The following YLPM1 variants were observed in gnomAD, a reference collection of about 807,000 sequenced individuals.
The protein encoded by YLPM1 is YLP motif containing 1.
A neutral mutation model predicts 230.0 loss-of-function variants in YLPM1; 99 were observed. The observed-to-expected ratio is 0.43, with a 90% CI of 0.37 to 0.51. YLPM1 has a LOEUF of 0.51. Among genes scored for constraint, YLPM1 ranks in the 20% least tolerant of loss-of-function variants. YLPM1 has a pLI of 0.00. For synonymous variants in YLPM1, 984 were observed against 942.5 expected (o/e 1.04, Z -0.81); for missense variants, 2,592 against 2,707.7 (o/e 0.96, Z 0.95).
At chr14:74,789,053 TTCA>T (rs2091177902) in intron 4 of YLPM1, among the ~76,000 whole-genome samples, 1 of 152,220 alleles carries the variant, frequency 6.6e-6, no homozygotes. Flanking sequence ...TTGCAGTGAC[TTCA>T]TCATAAATTC....
intron 5 of YLPM1, among the ~76,000 whole-genome samples, chr14:74,801,079 CT>C (rs941533179): frequency 6.6e-6 from 1 of 151,362 alleles, no homozygotes; most frequent in African/African-American, 2.4e-5. Context: ...GCCAAGGTTT[CT>C]TTTTTTTTCC....
rs756978367 is a variant in YLPM1 at position 74,799,044 on chromosome 14, A to G, written c.3747A>G (p.Ser1249=). ...LELYNREDRF[S]APPSRSHDGD... is the part of the protein sequence containing the mutation. ...TCTATAACAGAGAGGACAGGTTCTC[A>G]GCACCACCATCTCGGTCTCATGATG... The change falls in exon 5 of 21, where the codon TCA becomes TCG. Residue 1249 remains serine (S), a synonymous_variant. Coordinates refer to ENST00000325680, the MANE Select transcript of YLPM1 (RefSeq NM_019589.3). 19 of 1,613,898 alleles carry G rather than the reference A, an allele frequency of 1.2e-5. No individual in the cohort carries two copies. The highest frequency in any genetic ancestry group is 2.2e-5 in the East Asian group (1 of 44,898).
In YLPM1 at chr14:74,835,811, G is replaced by C. The variant is rs374448571; in HGVS notation, c.*73G>C. ...TGAGGTGGTCTGAAGCCAAGGCCTC[G>C]CGGAGCTTCTTTGTGTGTCACCTTG... On this transcript the variant is annotated 3_prime_UTR_variant, in exon 21 of 21. Transcript: ENST00000325680. The C allele has an allele frequency of 2.2e-6, 1 of 456,752 alleles. No individual in the cohort carries two copies. Among genetic ancestry groups the C allele is most frequent in the Non-Finnish European group, 4.4e-6 (1 of 227,362 alleles). 28.3% of individuals were successfully genotyped at this position (456,752 alleles called of 1,614,324 possible).
chr14:74,823,700 A>G (rs1031484934), intron 17 of YLPM1, among the ~76,000 whole-genome samples: 6 of 152,120 alleles, frequency 3.9e-5, no homozygotes, highest in African/African-American at 1.4e-4. Flanking sequence ...AAATGAATTG[A>G]GTCATTTTAA....
chr14:74,770,321 TAA>T (rs774234106), intron 1 of YLPM1, among the ~76,000 whole-genome samples: 8 of 126,976 alleles, frequency 6.3e-5, no homozygotes, highest in Admixed American at 1.6e-4. Flanking sequence ...GAGTGAGACC[TAA>T]AAAAAAAAAA....
chr14:74,802,814 G>T (rs1194548512), intron 6 of YLPM1, 138 bp downstream of exon 6: 1 of 1,110,146 alleles, frequency 9.0e-7, no homozygotes, highest in Admixed American at 3.4e-5. Context: ...AAAGTTTATG[G>T]TAATTGAACT....
intron 18 of YLPM1, among the ~76,000 whole-genome samples, chr14:74,829,010 C>T (rs1594847803): frequency 6.6e-6 from 1 of 152,152 alleles, no homozygotes; most frequent in Admixed American, 6.5e-5. Flanking sequence ...ATAATGGCTA[C>T]CAGTGTGAAT....
intron 6 of YLPM1, among the ~76,000 whole-genome samples, chr14:74,806,834 C>G (rs989037700): frequency 1.3e-5 from 2 of 150,372 alleles, no homozygotes; most frequent in African/African-American, 4.9e-5. Context: ...ACTCATTATC[C>G]TTAATATAAT....
chr14:74,830,621 T>A (rs1203520677), intron 19 of YLPM1, among the ~76,000 whole-genome samples: 1 of 152,102 alleles, frequency 6.6e-6, no homozygotes, highest in Non-Finnish European at 1.5e-5. Context: ...AGATAAAAGG[T>A]TTATTTTGGC....
Position 74,829,253 on chromosome 14 carries a change from T to A in YLPM1, c.6204T>A (p.Arg2068=), listed in dbSNP as rs943475214. The A allele has an allele frequency of 1.2e-6, 2 of 1,613,166 alleles. No individual in the cohort carries two copies. Among genetic ancestry groups the A allele is most frequent in the African/African-American group, 2.7e-5 (2 of 74,852 alleles). Residue 2068 remains arginine, a synonymous_variant, in exon 19 of 21, where the codon CGT becomes CGA. Transcript: ENST00000325680. The part of the protein sequence containing the change: ...DGLRTGTKRK[R]DWEAIASRME... Reference sequence around the variant, plus strand: ...TGAGGACTGGTACTAAAAGGAAACGTGACTGGGAGGCCATTGCCAGCAGAA... The same window carrying A: ...TGAGGACTGGTACTAAAAGGAAACGAGACTGGGAGGCCATTGCCAGCAGAA...
At chr14:74,797,080 T>C (rs1488720967) in intron 4 of YLPM1, among the ~76,000 whole-genome samples, 1 of 150,036 alleles carries the variant, frequency 6.7e-6, no homozygotes, top group Non-Finnish European at 1.5e-5. Flanking sequence ...CAAGTGATTC[T>C]CCTGCCTCAG....
At chr14:74,779,794 C>T (rs2091075521) in intron 2 of YLPM1, among the ~76,000 whole-genome samples, 2 of 150,232 alleles carry the variant, frequency 1.3e-5, no homozygotes, top group African/African-American at 2.5e-5. Flanking sequence ...TCTTCCCTCC[C>T]CTCCCCTCCC....
chr14:74,820,954 T>G, intron 16 of YLPM1, 103 bp from the exon 17 acceptor site: 1 of 1,285,204 alleles, frequency 7.8e-7, no homozygotes, highest in Non-Finnish European at 1.0e-6. Flanking sequence ...AGTGAGCCTG[T>G]CTTGCTCTGG....
chr14:74,812,528 A>T (rs1246843168), intron 10 of YLPM1, 100 bp from the exon 11 acceptor site: 14 of 1,217,078 alleles, frequency 1.2e-5, no homozygotes. Context: ...AAATCACTGG[A>T]CTTGGTTTGA....
chr14:74,786,054 A>G (rs2091146483), intron 4 of YLPM1, among the ~76,000 whole-genome samples: 1 of 152,030 alleles, frequency 6.6e-6, no homozygotes, highest in Admixed American at 6.6e-5. Flanking sequence ...AGCTTAGTGA[A>G]TTTTCACAAA....
chr14:74,816,845 C>A, intron 13 of YLPM1, 86 bp from the exon 14 acceptor site: 1 of 1,449,182 alleles, frequency 6.9e-7, no homozygotes, highest in Non-Finnish European at 9.2e-7. Flanking sequence ...ACTACAAAGT[C>A]ATCTCTATCC....
At chr14:74,824,382 G>A (rs1460944516) in intron 18 of YLPM1, 75 bp downstream of exon 18, 2 of 1,466,902 alleles carry the variant, frequency 1.4e-6, no homozygotes, top group Non-Finnish European at 9.4e-7. Flanking sequence ...GCTATAAGAG[G>A]AACAAATTTC....
At chr14:74,814,751 T>G (rs937594233) in intron 11 of YLPM1, among the ~76,000 whole-genome samples, 6 of 152,254 alleles carry the variant, frequency 3.9e-5, no homozygotes, top group Non-Finnish European at 8.8e-5. Context: ...ATAAAGTAAG[T>G]TAGAAATTAT....
At chr14:74,827,234 CATCTTAAAACTTCATCTTT>C in intron 18 of YLPM1, 2 of 718,636 alleles carry the variant, frequency 2.8e-6, no homozygotes, top group African/African-American at 3.9e-5. Flanking sequence ...ACTTCATCTT[CATCTTAAAACTTCATCTTT>C]TGAAATCTCT....
Sources: allele counts gnomAD v4.1 joint callset (sites outside exome capture counted in the v4.1 genomes callset), GRCh38; gene constraint gnomAD v4.1.1; transcripts MANE v1.5; gene names NCBI Gene and HGNC (gene_info 2026-07-23, HGNC 2026-07-21).